ABL1: variants seen among roughly 807,000 people sequenced by gnomAD.
The protein encoded by ABL1 is ABL proto-oncogene 1, non-receptor tyrosine kinase, also known as tyrosine-protein kinase ABL1.
A neutral mutation model predicts 94.7 loss-of-function variants in ABL1; 11 were observed. That is an observed-to-expected ratio of 0.12 (90% CI 0.07 to 0.19). ABL1 has a LOEUF of 0.19. Ranked by LOEUF, ABL1 falls within the 10% of genes least tolerant of loss-of-function variation. The pLI is 1.00. For synonymous variants in ABL1, 656 were observed against 622.4 expected, an observed-to-expected ratio of 1.05 and a Z score of -0.80; for missense variants, 1,082 against 1,489.4, an observed-to-expected ratio of 0.73 and a Z score of 4.50.
chr9:130,823,081 C>T (rs1012775867), intron 1 of ABL1, among the ~76,000 whole-genome samples: 1 of 152,162 alleles, frequency 6.6e-6, no homozygotes, highest in African/African-American at 2.4e-5. Flanking sequence ...CAGGTGTGAG[C>T]CACCGTGCCC....
intron 1 of ABL1, among the ~76,000 whole-genome samples, chr9:130,741,299 C>T (rs1386436567): frequency 1.3e-5 from 2 of 152,132 alleles, no homozygotes; most frequent in East Asian, 1.9e-4. Flanking sequence ...GTTACCATGC[C>T]GGAGTAACAG....
chr9:130,852,336 G>T lies in ABL1; in HGVS notation c.80-1728G>T, dbSNP rs568331195. Among the ~76,000 whole-genome samples, 3 of 152,164 alleles carry T rather than the reference G, an allele frequency of 2.0e-5. No homozygotes were observed. The East Asian group carries it at 5.8e-4, about 29-fold the overall frequency. On this transcript the variant is annotated intron_variant, in intron 1 of 10. Coordinates refer to ENST00000318560, the MANE Select transcript of ABL1 (RefSeq NM_005157.6). ...TCCTGAGTAGCTGGGACTAGTAGCT[G>T]GAACTACAGGCGCCCGCCACCATGC...
rs182819573 is a variant in ABL1 at position 130,884,119 on chromosome 9, C to T, written c.1829C>T (p.Thr610Ile). The T allele has an allele frequency of 1.2e-6, 2 of 1,613,760 alleles. No individual in the cohort carries two copies. Among genetic ancestry groups the T allele is most frequent in the Admixed American group, 3.3e-5 (2 of 60,028 alleles). Reference protein sequence around the residue: ...FSALIKKKKKTAPTPPKRSSS... With the variant: ...FSALIKKKKKIAPTPPKRSSS... The stretch of plus-strand genomic sequence containing the variant: ...GCCTTGATCAAGAAGAAGAAGAAGA[C>T]AGCCCCAACCCCTCCCAAACGCAGC... Residue 610 changes from threonine (T) to isoleucine (I), a missense_variant, in exon 11 of 11, where the codon ACA becomes ATA. Transcript: ENST00000318560. This position sits in a 1 kb window ranked among gnomAD's most constrained non-coding sequence, Gnocchi z 5.6.
chr9:130,750,231 A>ATCTATATC lies in ABL1; in HGVS notation c.136+35777_136+35778insCTATATCT, dbSNP rs1317562552. Among the ~76,000 whole-genome samples, 4 of 133,626 alleles carry ATCTATATC rather than the reference A, an allele frequency of 3.0e-5. No homozygotes were observed. In the East Asian group the frequency reaches 6.3e-4, roughly 21 times the overall value. The allele number at this position is 133,626 out of a possible 152,430, so 87.7% of individuals were successfully genotyped here. Reference sequence around the variant, plus strand: ...TATATATATATATATATATATATATATATATCCAAGTATAAGTATATACTT... The same window carrying ATCTATATC: ...TATATATATATATATATATATATATATCTATATCTATATCCAAGTATAAGTATATACTT... On this transcript the variant is annotated intron_variant, in intron 1 of 10. Transcript: ENST00000372348.
At chr9:130,731,828 A>G (rs1367496336) in intron 1 of ABL1, among the ~76,000 whole-genome samples, 1 of 152,152 alleles carries the variant, frequency 6.6e-6, no homozygotes, top group Non-Finnish European at 1.5e-5. Flanking sequence ...TGATTGCACT[A>G]AATCTATAGG....
rs556748104 is a variant in ABL1 at position 130,862,260 on chromosome 9, A to G, written c.550-503A>G. 6.6e-6 allele frequency among the ~76,000 whole-genome samples: 1 copy of G among 152,338 alleles called. No homozygotes were observed. Among genetic ancestry groups the G allele is most frequent in the African/African-American group, 2.4e-5 (1 of 41,578 alleles). On this transcript the variant is annotated intron_variant, in intron 3 of 10. Coordinates refer to ENST00000318560, the MANE Select transcript of ABL1 (RefSeq NM_005157.6). This position sits in a 1 kb window ranked among gnomAD's most constrained non-coding sequence, Gnocchi z 5.5. ...ATTTCCTGTTCTCAACATTGGAATG[A>G]AGACAGCTTAGGGTTCTGCTTTCAT...
intron 1 of ABL1, among the ~76,000 whole-genome samples, chr9:130,747,918 G>T (rs1831907674): frequency 6.6e-6 from 1 of 152,156 alleles, no homozygotes; most frequent in African/African-American, 2.4e-5. Context: ...TAAAGACCTA[G>T]GAATGGGTCA....
chr9:130,756,088 A>G (rs924361710), intron 1 of ABL1, among the ~76,000 whole-genome samples: 2 of 152,232 alleles, frequency 1.3e-5, no homozygotes, highest in African/African-American at 4.8e-5. Flanking sequence ...TGTCTGTGAG[A>G]AAAGGGGCAA....
At chr9:130,882,604 A>G (rs897549156) in intron 10 of ABL1, among the ~76,000 whole-genome samples, 6 of 152,046 alleles carry the variant, frequency 3.9e-5, no homozygotes, top group Admixed American at 3.9e-4. Flanking sequence ...GCATGATACC[A>G]GCTCACTGCA....
chr9:130,816,462 C>T (rs550339365), intron 1 of ABL1, among the ~76,000 whole-genome samples: 3 of 152,016 alleles, frequency 2.0e-5, no homozygotes, highest in South Asian at 4.2e-4. Flanking sequence ...GTGTGAGCTA[C>T]CACACCCGGC....
At position 130,862,043 on chromosome 9, in the gene ABL1, C is replaced by T. The variant is rs1831082059; in HGVS notation, c.550-720C>T. Among the ~76,000 whole-genome samples the T allele has an allele frequency of 6.6e-6, 1 of 152,206 alleles. No homozygotes were observed. The highest frequency in any genetic ancestry group is 6.5e-5 in the Admixed American group (1 of 15,280). On this transcript the variant is annotated intron_variant, in intron 3 of 10. Transcript: ENST00000318560. This position sits in a 1 kb window ranked among gnomAD's most constrained non-coding sequence, Gnocchi z 5.5. ...GACCGAATGCTCTTGTGTCGTAAAT[C>T]CTTCCTTTTGCTTCCTCGTGTTGGA...
rs184818773 is a variant in ABL1, at chr9:130,716,641, A to G, written c.136+2186A>G. Among the ~76,000 whole-genome samples the G allele has an allele frequency of 2.0e-5, 3 of 152,342 alleles. No individual in the cohort carries two copies. The East Asian group carries it at 5.8e-4, about 29-fold the overall frequency. On this transcript the variant is annotated intron_variant, in intron 1 of 10. Coordinates refer to the ABL1 transcript ENST00000372348. ...CTTGAAACTATGACAAACTATGGTT[A>G]TTCAGACTAAAAAGTGTATGAAGGA...
At chr9:130,812,663 CAG>C (rs760866996) in intron 1 of ABL1, among the ~76,000 whole-genome samples, 9 of 152,242 alleles carry the variant, frequency 5.9e-5, no homozygotes, top group Non-Finnish European at 7.4e-5. Context: ...CATGTATTAA[CAG>C]AGATTCAAAA....
chr9:130,885,996 A>C lies in ABL1; in HGVS notation c.*313A>C. The stretch of plus-strand genomic sequence containing the variant: ...CGCTCCCACCTAGTGCCCCAGACTG[A>C]GCTCTCCAGGCCAGGTGGGAACGGC... On this transcript the variant is annotated 3_prime_UTR_variant, in exon 11 of 11. Coordinates refer to ENST00000318560, the MANE Select transcript of ABL1 (RefSeq NM_005157.6). The C allele has an allele frequency of 2.5e-6, 1 of 395,888 alleles. No individual in the cohort carries two copies. Among genetic ancestry groups the C allele is most frequent in the Middle Eastern group, 6.7e-4 (1 of 1,488 alleles). The allele number at this position is 395,888 out of a possible 1,614,324, so 24.5% of individuals were successfully genotyped here. A position where few individuals can be genotyped will look rare whatever the true frequency, so the allele number is the denominator to read the frequency against.
At chr9:130,811,238 A>G (rs911950145) in intron 1 of ABL1, among the ~76,000 whole-genome samples, 2 of 152,198 alleles carry the variant, frequency 1.3e-5, no homozygotes, top group Admixed American at 6.5e-5. Flanking sequence ...GCAGTGAGCT[A>G]TGATCGCACC....
chr9:130,884,411 C>G lies in ABL1; in HGVS notation c.2121C>G (p.Gly707=), dbSNP rs551159312. Residue 707 remains glycine (G), a synonymous_variant, in exon 11 of 11, where the codon GGC becomes GGG. Coordinates refer to ENST00000318560, the MANE Select transcript of ABL1 (RefSeq NM_005157.6). This position sits in a 1 kb window ranked among gnomAD's most constrained non-coding sequence, Gnocchi z 5.6. The stretch of plus-strand genomic sequence containing the variant: ...CCACCGGCGAGGAGGAGGGCGGTGG[C>G]AGCTCCAGCAAGCGCTTCCTGCGCT... The part of the protein sequence containing the change: ...RLATGEEEGG[G]SSSKRFLRSC... The G allele has an allele frequency of 1.2e-6, 2 of 1,611,964 alleles. No individual in the cohort carries two copies. Among genetic ancestry groups the G allele is most frequent in the East Asian group, 4.5e-5 (2 of 44,858 alleles).
chr9:130,737,831 CTT>C (rs55666318), intron 1 of ABL1, among the ~76,000 whole-genome samples: 36 of 134,500 alleles, frequency 2.7e-4, no homozygotes, highest in Admixed American at 3.1e-4. Flanking sequence ...AGAACAGTGT[CTT>C]TTTTTTTTTT....
chr9:130,757,398 A>T (rs1164663064), intron 1 of ABL1, among the ~76,000 whole-genome samples: 1 of 152,020 alleles, frequency 6.6e-6, no homozygotes, highest in Non-Finnish European at 1.5e-5. Flanking sequence ...TGGTCCCTGT[A>T]AAAAATACAA....
intron 1 of ABL1, among the ~76,000 whole-genome samples, chr9:130,728,319 A>G (rs1355860155): frequency 4.3e-5 from 6 of 139,736 alleles, no homozygotes; most frequent in East Asian, 2.1e-4. Context: ...CTGCCCTCCT[A>G]CGCCTCCCAA....
Sources: allele counts gnomAD v4.1 joint callset (sites outside exome capture counted in the v4.1 genomes callset), GRCh38; gene constraint gnomAD v4.1.1; non-coding constraint Gnocchi (gnomAD v3.1); transcripts MANE v1.5; gene names NCBI Gene and HGNC (gene_info 2026-07-23, HGNC 2026-07-21).